LPL: variants seen among roughly 807,000 people sequenced by gnomAD.
LPL encodes phospholipase A1.
LPL carries 43 observed loss-of-function variants against 52.2 expected under a neutral mutation model. The ratio of observed to expected loss-of-function variants is 0.82; its 90% confidence interval spans 0.64 to 1.06. The LOEUF (loss-of-function observed/expected upper bound fraction) is 1.06. Among genes scored for constraint, LPL ranks in the 50% least tolerant of loss-of-function variants. The probability of loss-of-function intolerance (pLI) is 0.00; values close to 1 mark genes in which losing one functional copy is unlikely to be tolerated. For missense variants in LPL, 639 were observed against 585.3 expected, an observed-to-expected ratio of 1.09 and a Z score of -0.95; for synonymous variants, 244 against 215.6, an observed-to-expected ratio of 1.13 and a Z score of -1.15.
At chr8:19,951,073 G>T (rs80181352) in intron 2 of LPL, among the ~76,000 whole-genome samples, 8,009 of 152,220 alleles carry the variant, frequency 0.053, 281 homozygotes, top group Non-Finnish European at 0.076. Flanking sequence ...AGGCACAGAC[G>T]AAGGGAAATG....
chr8:19,948,353 C>A lies in LPL; in HGVS notation c.249+13C>A. On this transcript the variant is annotated intron_variant, in intron 2 of 9. Transcript: ENST00000650287. ...CCATGGCTGGACGGTAAGGGAGGCT[C>A]TTTGGGGAAGAGTGGATTGGGGTGG... The A allele has an allele frequency of 7.4e-6, 12 of 1,613,578 alleles. No homozygotes were observed. Among genetic ancestry groups the A allele is most frequent in the Non-Finnish European group, 1.0e-5 (12 of 1,179,568 alleles).
In LPL at chr8:19,951,783, T is replaced by C. The variant is rs118204065; in HGVS notation, c.264T>C (p.Tyr88=). 3.1e-6 allele frequency: 5 copies of C among 1,614,112 alleles called. No homozygotes were observed. The highest frequency in any genetic ancestry group is 4.2e-6 in the Non-Finnish European group (5 of 1,179,990). The change falls in exon 3 of 10, where the codon TAT becomes TAC. Residue 88 remains tyrosine, a synonymous_variant. Transcript: ENST00000650287. ...VIHGWTVTGM[Y]ESWVPKLVAA... is the part of the protein sequence containing the mutation. ...ATCATCTTCAGGTAACAGGAATGTA[T>C]GAGAGTTGGGTGCCAAAACTTGTGG...
chr8:19,958,925 G>A (rs1176678948), intron 6 of LPL, among the ~76,000 whole-genome samples: 1 of 152,186 alleles, frequency 6.6e-6, no homozygotes, highest in Non-Finnish European at 1.5e-5. Flanking sequence ...CATGGAGAAA[G>A]CATCATGAGT....
rs1474778814 is a variant in LPL at position 19,954,280 on chromosome 8, G to T, written c.702G>T (p.Pro234=). The T allele has an allele frequency of 2.5e-6, 4 of 1,614,070 alleles. No homozygotes were observed. Among genetic ancestry groups the T allele is most frequent in the Non-Finnish European group, 3.4e-6 (4 of 1,180,046 alleles). The part of the protein sequence containing the change: ...QKPVGHVDIY[P]NGGTFQPGCN... ...CAGTTGGGCATGTTGACATTTACCC[G>T]AATGGAGGTACTTTTCAGCCAGGAT... The change falls in exon 5 of 10, where the codon CCG becomes CCT. Residue 234 remains proline (P), a synonymous_variant. Coordinates refer to ENST00000650287, the MANE Select transcript of LPL (RefSeq NM_000237.3).
chr8:19,965,098 C>A (rs1435429324), intron 9 of LPL, among the ~76,000 whole-genome samples: 1 of 150,994 alleles, frequency 6.6e-6, no homozygotes, highest in East Asian at 1.9e-4. Context: ...CTTATTGGGA[C>A]GGGGCTAAAT....
intron 2 of LPL, among the ~76,000 whole-genome samples, chr8:19,951,440 C>T (rs1431082285): frequency 6.6e-6 from 1 of 152,170 alleles, no homozygotes; most frequent in Non-Finnish European, 1.5e-5. Context: ...CTCAAAGACC[C>T]ACTTTGCATT....
chr8:19,959,549 C>G (rs751574942), intron 7 of LPL, among the ~76,000 whole-genome samples, 169 bp downstream of exon 7: 1 of 151,970 alleles, frequency 6.6e-6, no homozygotes, highest in South Asian at 2.1e-4. Flanking sequence ...GAAAAAAATG[C>G]TTCAAATTGG....
intron 9 of LPL, among the ~76,000 whole-genome samples, chr8:19,964,522 T>G (rs2070068731): frequency 1.3e-5 from 2 of 152,304 alleles, no homozygotes; most frequent in Middle Eastern, 3.4e-3. Context: ...ATGCGTTTTA[T>G]TTTTATTTTT....
rs894550368 is a variant in LPL at position 19,967,098 on chromosome 8, T to G, written c.*1788T>G. ...AGGTCATTGTGGCTATCTGCATTTATAAATGTGTGGTGCTAACTGTATGTG... is the reference window on the plus strand; with the variant it reads ...AGGTCATTGTGGCTATCTGCATTTAGAAATGTGTGGTGCTAACTGTATGTG... On this transcript the variant is annotated 3_prime_UTR_variant, in exon 10 of 10. Coordinates refer to ENST00000650287, the MANE Select transcript of LPL (RefSeq NM_000237.3). 2.0e-5 allele frequency: 3 copies of G among 151,228 alleles called. No individual in the cohort carries two copies. Among genetic ancestry groups the G allele is most frequent in the Non-Finnish European group, 3.0e-5 (2 of 67,754 alleles). 9.4% of individuals were successfully genotyped at this position (151,228 alleles called of 1,614,324 possible). A position where few individuals can be genotyped will look rare whatever the true frequency, so the allele number is the denominator to read the frequency against.
intron 8 of LPL, among the ~76,000 whole-genome samples, chr8:19,961,592 G>A (rs1209484546): frequency 1.3e-5 from 2 of 152,048 alleles, no homozygotes; most frequent in Non-Finnish European, 1.5e-5. Flanking sequence ...CTGGGATTTT[G>A]CAAACTATAG....
chr8:19,963,956 G>GT lies in LPL; in HGVS notation c.*-1344dup, dbSNP rs146265243. ...GATGAAGTTTTTTTTGTTTGTTTTGGTTTTTTTTTTCTTGAGATGGAGTTT... is the reference window on the plus strand; with the variant it reads ...GATGAAGTTTTTTTTGTTTGTTTTGGTTTTTTTTTTTCTTGAGATGGAGTTT... On this transcript the variant is annotated intron_variant, in intron 9 of 9. Coordinates refer to ENST00000650287, the MANE Select transcript of LPL (RefSeq NM_000237.3). 3.6e-3 allele frequency among the ~76,000 whole-genome samples: 542 copies of GT among 149,154 alleles called. 2 individuals carry two copies. The highest frequency in any genetic ancestry group is 0.016 in the South Asian group (76 of 4,720).
chr8:19,966,050 A>G lies in LPL; in HGVS notation c.*740A>G, dbSNP rs142494520. The G allele has an allele frequency of 6.6e-6, 1 of 152,084 alleles. No individual in the cohort carries two copies. The highest frequency in any genetic ancestry group is 2.4e-5 in the African/African-American group (1 of 41,498). 9.4% of individuals were successfully genotyped at this position (152,084 alleles called of 1,614,324 possible). A position where few individuals can be genotyped will look rare whatever the true frequency, so the allele number is the denominator to read the frequency against. ...TTCTTTTTTGTCTCAAGATTATATT[A>G]TAATAATGTTCTCTGGGTAGGTGTT... On this transcript the variant is annotated 3_prime_UTR_variant, in exon 10 of 10. Coordinates refer to ENST00000650287, the MANE Select transcript of LPL (RefSeq NM_000237.3).
At chr8:19,946,891 A>T (rs1006543099) in intron 1 of LPL, among the ~76,000 whole-genome samples, 5 of 152,216 alleles carry the variant, frequency 3.3e-5, no homozygotes, top group Non-Finnish European at 5.9e-5. Context: ...CATAGTTTCA[A>T]AAACTAGGTT....
intron 1 of LPL, among the ~76,000 whole-genome samples, chr8:19,943,344 G>C (rs1219508522): frequency 1.3e-5 from 2 of 152,102 alleles, no homozygotes; most frequent in Admixed American, 1.3e-4. Context: ...TCAAGATACA[G>C]CTATCATGAC....
Position 19,954,490 on chromosome 8 carries a change from A to G in LPL, c.775+137A>G, listed in dbSNP as rs2069965614. ...AAATTATGTTTCTGAAGAATTCTGC[A>G]ATGTTCAGCATGACCACCTTAGAGC... is the stretch of plus-strand genomic sequence containing the variant. On this transcript the variant is annotated intron_variant, in intron 5 of 9. Coordinates refer to ENST00000650287, the MANE Select transcript of LPL (RefSeq NM_000237.3). 6.0e-6 allele frequency: 5 copies of G among 834,756 alleles called. No homozygotes were observed. The South Asian group carries it at 6.3e-5, about 11-fold the overall frequency. The allele number at this position is 834,756 out of a possible 1,614,324, so 51.7% of individuals were successfully genotyped here.
chr8:19,939,525 G>C lies in LPL; in HGVS notation c.85G>C (p.Asp29His), dbSNP rs762788938. The C allele has an allele frequency of 1.2e-6, 2 of 1,607,116 alleles. No homozygotes were observed. Among genetic ancestry groups the C allele is most frequent in the Non-Finnish European group, 1.7e-6 (2 of 1,177,616 alleles). ...CTCCCGCGGAGGGGTGGCCGCCGCCGACCGTAAGTTTTGCGCGCAAACTCC... is the reference window on the plus strand; with the variant it reads ...CTCCCGCGGAGGGGTGGCCGCCGCCCACCGTAAGTTTTGCGCGCAAACTCC... ...TASRGGVAAA[D>H]QRRDFIDIES... The change falls in exon 1 of 10, where the codon GAC becomes CAC. Residue 29 changes from aspartate to histidine, a missense_variant. Asp to His is a moderately conservative substitution (Grantham distance 81, BLOSUM62 -1). Transcript: ENST00000650287. This position sits in a 1 kb window ranked among gnomAD's most constrained non-coding sequence, Gnocchi z 4.0.
rs2069812845 is a variant in LPL, at chr8:19,939,598, A to G, written c.88+70A>G. On this transcript the variant is annotated intron_variant, in intron 1 of 9. Coordinates refer to ENST00000650287, the MANE Select transcript of LPL (RefSeq NM_000237.3). This position sits in a 1 kb window ranked among gnomAD's most constrained non-coding sequence, Gnocchi z 4.0. ...GTGGCCACTGCCACCCGAACTGAGG[A>G]TGAGAAGAAGGAAGTTGGAAGGGGC... is the stretch of plus-strand genomic sequence containing the variant. 6.7e-7 allele frequency: 1 copy of G among 1,483,432 alleles called. No individual in the cohort carries two copies. Among genetic ancestry groups the G allele is most frequent in the Admixed American group, 1.9e-5 (1 of 51,612 alleles). 91.9% of individuals were successfully genotyped at this position (1,483,432 alleles called of 1,614,324 possible).
intron 9 of LPL, among the ~76,000 whole-genome samples, chr8:19,963,355 G>C (rs2070056811): frequency 6.6e-6 from 1 of 150,920 alleles, no homozygotes; most frequent in African/African-American, 2.4e-5. Flanking sequence ...AGAATTGCTT[G>C]AACCGGGGAG....
At chr8:19,952,774 C>A (rs866034107) in intron 3 of LPL, among the ~76,000 whole-genome samples, 3 of 152,298 alleles carry the variant, frequency 2.0e-5, no homozygotes, top group Middle Eastern at 6.8e-3. Context: ...GTCCCTTCCA[C>A]TGAATGTTTC....
Sources: allele counts gnomAD v4.1 joint callset (sites outside exome capture counted in the v4.1 genomes callset), GRCh38; gene constraint gnomAD v4.1.1; non-coding constraint Gnocchi (gnomAD v3.1); transcripts MANE v1.5; gene names NCBI Gene and HGNC (gene_info 2026-07-23, HGNC 2026-07-21).